Variants in KIAA1328 observed in about 807,000 individuals in gnomAD.
KIAA1328 encodes the protein protein hinderin.
KIAA1328 carries 52 observed loss-of-function variants against 68.1 expected under a neutral mutation model. The ratio of observed to expected loss-of-function variants is 0.76; its 90% confidence interval spans 0.61 to 0.96. The LOEUF is 0.96. Ranked by LOEUF, KIAA1328 falls within the 40% of genes least tolerant of loss-of-function variation. KIAA1328 has a pLI of 0.00. For missense variants in KIAA1328, 641 were observed against 677.6 expected, an observed-to-expected ratio of 0.95 and a Z score of 0.60; for synonymous variants, 232 against 239.4, an observed-to-expected ratio of 0.97 and a Z score of 0.28.
intron 6 of KIAA1328, among the ~76,000 whole-genome samples, chr18:37,019,537 C>T (rs546844597): frequency 2.0e-5 from 3 of 152,280 alleles, no homozygotes; most frequent in Admixed American, 6.5e-5. Context: ...CCAGTGCCTA[C>T]GGGGATGGCC....
chr18:36,829,644 G>A (rs1147763), intron 1 of KIAA1328, among the ~76,000 whole-genome samples: 14,038 of 152,186 alleles, frequency 0.092, 2,202 homozygotes, highest in African/African-American at 0.32. Context: ...GCATTGCTAG[G>A]AGCAAGTCAG....
At chr18:37,125,585 A>G (rs946877412) in intron 7 of KIAA1328, among the ~76,000 whole-genome samples, 1 of 152,214 alleles carries the variant, frequency 6.6e-6, no homozygotes, top group African/African-American at 2.4e-5. Context: ...AGGTGTCAAT[A>G]AAATTGGCAA....
rs1221766744 is a variant in KIAA1328 at position 37,067,252 on chromosome 18, T to C, written c.939T>C (p.Asp313=). 1 of 1,614,000 alleles carries C rather than the reference T, an allele frequency of 6.2e-7. No individual in the cohort carries two copies. Among genetic ancestry groups the C allele is most frequent in the East Asian group, 2.2e-5 (1 of 44,882 alleles). The change falls in exon 7 of 10, where the codon GAT becomes GAC. Residue 313 remains aspartate, a synonymous_variant. Coordinates refer to ENST00000280020, the MANE Select transcript of KIAA1328 (RefSeq NM_020776.3). ...SQCCGHRLAA[D]RVHDSHPTNM... ...GCTGTGGTCATAGACTTGCTGCAGA[T>C]CGTGTTCATGACAGCCATCCTACAA... is the stretch of plus-strand genomic sequence containing the variant.
At chr18:37,078,966 A>C (rs1260310175) in intron 7 of KIAA1328, among the ~76,000 whole-genome samples, 130 of 152,028 alleles carry the variant, frequency 8.6e-4, no homozygotes, top group African/African-American at 2.8e-3. Context: ...TTGACCCAGC[A>C]ATCCCATTAC....
At chr18:37,059,125 G>T (rs2056045434) in intron 6 of KIAA1328, among the ~76,000 whole-genome samples, 1 of 151,828 alleles carries the variant, frequency 6.6e-6, no homozygotes, top group Non-Finnish European at 1.5e-5. Flanking sequence ...AAGTTGTATT[G>T]CTTCATCGAA....
At chr18:37,105,916 C>CAAAAAAA (rs58940699) in intron 7 of KIAA1328, among the ~76,000 whole-genome samples, 440 of 19,500 alleles carry the variant, frequency 0.023, 55 homozygotes, top group Non-Finnish European at 0.047. Context: ...GACTCTGTGT[C>CAAAAAAA]AAAAAAAAAA....
At chr18:37,051,215 C>G (rs781592573) in intron 6 of KIAA1328, among the ~76,000 whole-genome samples, 1 of 124,656 alleles carries the variant, frequency 8.0e-6, no homozygotes, top group Admixed American at 9.7e-5. Flanking sequence ...TAGAGCAGAA[C>G]TAAATGAAAT....
intron 5 of KIAA1328, among the ~76,000 whole-genome samples, chr18:36,892,426 GGT>G (rs1480505786): frequency 1.3e-5 from 2 of 152,034 alleles, no homozygotes; most frequent in African/African-American, 4.8e-5. Flanking sequence ...TTGGCAGTGT[GGT>G]GTACTAATAT....
At chr18:36,888,149 T>C (rs1299916003) in intron 5 of KIAA1328, among the ~76,000 whole-genome samples, 1 of 152,184 alleles carries the variant, frequency 6.6e-6, no homozygotes, top group Non-Finnish European at 1.5e-5. Context: ...CTATTTTTCA[T>C]GTTTTCCTCA....
intron 7 of KIAA1328, among the ~76,000 whole-genome samples, chr18:37,094,893 A>G (rs1047947504): frequency 6.6e-6 from 1 of 152,150 alleles, no homozygotes; most frequent in Non-Finnish European, 1.5e-5. Flanking sequence ...TTTCATTTAA[A>G]TGCAAACCAA....
rs553974554 is a variant in KIAA1328 at position 36,926,970 on chromosome 18, G to A, written c.449-32338G>A. 9.2e-5 allele frequency among the ~76,000 whole-genome samples: 14 copies of A among 152,280 alleles called. No individual in the cohort carries two copies. In the South Asian group the frequency reaches 1.2e-3, roughly 14 times the overall value. ...ACCTGGCAAGAGTGGAAGCAACAGC[G>A]ACAATGGGGAGGTCCCAAACTCTTT... On this transcript the variant is annotated intron_variant, in intron 5 of 9. Coordinates refer to ENST00000280020, the MANE Select transcript of KIAA1328 (RefSeq NM_020776.3).
chr18:36,948,878 C>T lies in KIAA1328; in HGVS notation c.449-10430C>T, dbSNP rs113796424. Among the ~76,000 whole-genome samples, 1,441 of 152,258 alleles carry T rather than the reference C, an allele frequency of 9.5e-3. 22 individuals carry two copies. The highest frequency in any genetic ancestry group is 0.032 in the African/African-American group (1,344 of 41,548). Reference sequence around the variant, plus strand: ...TTTAAAGAGCTTTCAGTCTGTTTCTCGTGTTTGGAGCTGGTAGTTTTCAGC... The same window carrying T: ...TTTAAAGAGCTTTCAGTCTGTTTCTTGTGTTTGGAGCTGGTAGTTTTCAGC... On this transcript the variant is annotated intron_variant, in intron 5 of 9. Coordinates refer to ENST00000280020, the MANE Select transcript of KIAA1328 (RefSeq NM_020776.3).
intron 5 of KIAA1328, among the ~76,000 whole-genome samples, chr18:36,931,915 G>A (rs568700731): frequency 5.9e-5 from 9 of 151,888 alleles, no homozygotes; most frequent in Non-Finnish European, 1.0e-4. Flanking sequence ...ATGATTTTGC[G>A]CATAGAATTC....
intron 4 of KIAA1328, among the ~76,000 whole-genome samples, chr18:36,865,226 T>C (rs558101727): frequency 6.6e-6 from 1 of 152,242 alleles, no homozygotes; most frequent in Non-Finnish European, 1.5e-5. Context: ...TTTAATTCGT[T>C]CTGTTTTCAT....
intron 7 of KIAA1328, among the ~76,000 whole-genome samples, chr18:37,138,447 A>G (rs1307845452): frequency 1.3e-5 from 2 of 152,128 alleles, no homozygotes; most frequent in African/African-American, 2.4e-5. Context: ...CTTTCTATCT[A>G]TTGTTGTCCA....
intron 5 of KIAA1328, among the ~76,000 whole-genome samples, chr18:36,900,286 G>C (rs945293243): frequency 2.0e-5 from 3 of 151,966 alleles, no homozygotes; most frequent in African/African-American, 7.2e-5. Flanking sequence ...AGTGTTGGAA[G>C]TACTGTTTTA....
chr18:36,996,284 A>G (rs1248795610), intron 6 of KIAA1328, among the ~76,000 whole-genome samples: 1 of 152,174 alleles, frequency 6.6e-6, no homozygotes, highest in East Asian at 1.9e-4. Context: ...ATATATAGAC[A>G]TGTAATTCTC....
At chr18:37,128,173 A>G (rs1599367258) in intron 7 of KIAA1328, among the ~76,000 whole-genome samples, 2 of 152,236 alleles carry the variant, frequency 1.3e-5, no homozygotes, top group Admixed American at 6.5e-5. Context: ...TTGTAACACA[A>G]AAATCACAAC....
chr18:37,218,175 G>C (rs1232410122), intron 9 of KIAA1328, among the ~76,000 whole-genome samples: 1 of 152,238 alleles, frequency 6.6e-6, no homozygotes, highest in Non-Finnish European at 1.5e-5. Flanking sequence ...AAAAGAGCAA[G>C]GGTACCAGGT....
Sources: allele counts gnomAD v4.1 joint callset (sites outside exome capture counted in the v4.1 genomes callset), GRCh38; gene constraint gnomAD v4.1.1; transcripts MANE v1.5; gene names NCBI Gene and HGNC (gene_info 2026-07-23, HGNC 2026-07-21).